HDAC8: variants seen among roughly 807,000 people sequenced by gnomAD.
HDAC8 encodes histone deacetylase-like 1.
A neutral mutation model predicts 32.2 loss-of-function variants in HDAC8; 1 was observed. The observed-to-expected ratio is 0.03, with a 90% CI of 0.01 to 0.15. The LOEUF (loss-of-function observed/expected upper bound fraction) is 0.15. Ranked by LOEUF, HDAC8 falls within the 10% of genes least tolerant of loss-of-function variation. HDAC8 has a pLI of 1.00. For missense variants in HDAC8, 117 were observed against 300.0 expected (o/e 0.39, Z 4.51); for synonymous variants, 108 against 113.9 (o/e 0.95, Z 0.33).
chrX:72,464,178 C>A (rs1244673005), intron 8 of HDAC8, among the ~76,000 whole-genome samples: 1 of 111,653 alleles, frequency 9.0e-6, no homozygotes, highest in Non-Finnish European at 1.9e-5. Flanking sequence ...GTTGGAATTT[C>A]AGTGACATGT....
At chrX:72,532,680 A>G (rs1438299111) in intron 4 of HDAC8, among the ~76,000 whole-genome samples, 1 of 110,128 alleles carries the variant, frequency 9.1e-6, no homozygotes, top group Non-Finnish European at 1.9e-5. Flanking sequence ...TTTGAGAAAC[A>G]TCTATTTGAA....
At chrX:72,564,746 T>TG (rs1556129685) in intron 4 of HDAC8, among the ~76,000 whole-genome samples, 1 of 111,414 alleles carries the variant, frequency 9.0e-6, no homozygotes, top group Non-Finnish European at 1.9e-5. Context: ...TTTGTTGGGG[T>TG]GGGGGGTGTA....
intron 9 of HDAC8, among the ~76,000 whole-genome samples, chrX:72,380,956 T>G (rs1300263192): frequency 1.2e-4 from 13 of 112,065 alleles, no homozygotes; most frequent in Non-Finnish European, 2.4e-4. Context: ...CATCTCAATT[T>G]GGACTAGCCA....
chrX:72,383,112 A>C (rs1555960315), intron 9 of HDAC8, among the ~76,000 whole-genome samples: 1 of 111,952 alleles, frequency 8.9e-6, no homozygotes, highest in African/African-American at 3.2e-5. Context: ...TCATTCATTC[A>C]CTTATTCATT....
chrX:72,499,403 C>T (rs924238994), intron 4 of HDAC8, among the ~76,000 whole-genome samples: 1 of 111,188 alleles, frequency 9.0e-6, no homozygotes, highest in African/African-American at 3.3e-5. Flanking sequence ...CCCTAGCAAG[C>T]GCAAAATAAC....
intron 2 of HDAC8, 169 bp downstream of exon 2, chrX:72,571,888 T>G: frequency 2.3e-6 from 1 of 438,660 alleles, no homozygotes. Flanking sequence ...TCTTAATTCT[T>G]CAAGAGCTTT....
chrX:72,463,160 T>C (rs1883022464), intron 8 of HDAC8, among the ~76,000 whole-genome samples: 1 of 111,552 alleles, frequency 9.0e-6, no homozygotes, highest in African/African-American at 3.3e-5. Context: ...ATAGTACAGG[T>C]ATTACTTTAA....
chrX:72,438,358 C>A (rs868958542), intron 9 of HDAC8, among the ~76,000 whole-genome samples: 8 of 111,715 alleles, frequency 7.2e-5, no homozygotes, highest in African/African-American at 2.6e-4. Flanking sequence ...CATCAAAGAC[C>A]AAAGGTAGAT....
At chrX:72,545,009 C>T (rs918318579) in intron 4 of HDAC8, among the ~76,000 whole-genome samples, 2 of 111,054 alleles carry the variant, frequency 1.8e-5, no homozygotes, top group Non-Finnish European at 3.8e-5. Flanking sequence ...TAGGGGCGGT[C>T]GCTCTGTCTC....
At chrX:72,338,806 T>C (rs1385593118) in intron 10 of HDAC8, among the ~76,000 whole-genome samples, 1 of 105,537 alleles carries the variant, frequency 9.5e-6, no homozygotes, top group African/African-American at 3.4e-5. Flanking sequence ...CCCAGCACTT[T>C]GGGAGTCTGA....
At chrX:72,336,796 C>A (rs2043703466) in intron 10 of HDAC8, among the ~76,000 whole-genome samples, 1 of 110,259 alleles carries the variant, frequency 9.1e-6, no homozygotes, top group South Asian at 3.9e-4. Flanking sequence ...GTTGCCCAGG[C>A]TGGAATGTAG....
intron 9 of HDAC8, among the ~76,000 whole-genome samples, chrX:72,383,117 T>A (rs1462211816): frequency 8.9e-6 from 1 of 112,200 alleles, no homozygotes; most frequent in African/African-American, 3.2e-5. Context: ...CATTCACTTA[T>A]TCATTCATCG....
chrX:72,442,605 G>A (rs1384227127), intron 9 of HDAC8, among the ~76,000 whole-genome samples: 1 of 111,714 alleles, frequency 9.0e-6, no homozygotes, highest in Admixed American at 9.5e-5. Context: ...AGATCATCAA[G>A]GCTAGGAAGA....
intron 9 of HDAC8, among the ~76,000 whole-genome samples, chrX:72,374,740 AT>A (rs201301998): frequency 2.8e-5 from 3 of 107,277 alleles, no homozygotes; most frequent in South Asian, 8.0e-4. Flanking sequence ...TGATTCACAA[AT>A]TTTTTTTCCC....
At chrX:72,440,132 C>G (rs1396532952) in intron 9 of HDAC8, among the ~76,000 whole-genome samples, 1 of 112,312 alleles carries the variant, frequency 8.9e-6, no homozygotes, top group Non-Finnish European at 1.9e-5. Flanking sequence ...GTCTCTCAGA[C>G]TACAGCACAA....
intron 4 of HDAC8, among the ~76,000 whole-genome samples, chrX:72,542,425 C>A (rs1376975668): frequency 1.8e-5 from 2 of 112,178 alleles, no homozygotes; most frequent in African/African-American, 6.5e-5. Context: ...AGAGAGATTG[C>A]TGAGGTTGAG....
At chrX:72,409,597 TAAC>T (rs1489659015) in intron 9 of HDAC8, among the ~76,000 whole-genome samples, 5 of 112,771 alleles carry the variant, frequency 4.4e-5, no homozygotes, top group African/African-American at 1.6e-4. Flanking sequence ...TACTTTTATA[TAAC>T]AACGGGTTCC....
At chrX:72,445,424 C>A (rs1555984256) in intron 9 of HDAC8, among the ~76,000 whole-genome samples, 2 of 111,840 alleles carry the variant, frequency 1.8e-5, no homozygotes, top group East Asian at 2.8e-4. Context: ...CAAAAACAAG[C>A]AATGGGGAAA....
chrX:72,553,189 C>A (rs892233903), intron 4 of HDAC8, among the ~76,000 whole-genome samples: 1 of 110,779 alleles, frequency 9.0e-6, no homozygotes, highest in Non-Finnish European at 1.9e-5. Flanking sequence ...GGATTACAGG[C>A]TCATGCCACC....
Sources: allele counts gnomAD v4.1 joint callset (sites outside exome capture counted in the v4.1 genomes callset), GRCh38; gene constraint gnomAD v4.1.1; transcripts MANE v1.5; gene names NCBI Gene and HGNC (gene_info 2026-07-23, HGNC 2026-07-21).